Variants in POU5F2 observed in about 807,000 individuals in gnomAD.
POU5F2 encodes the protein POU domain, class 5, transcription factor 2.
For synonymous variants in POU5F2, 191 were observed against 178.7 expected (o/e 1.07, Z -0.55); for missense variants, 401 against 426.6 (o/e 0.94, Z 0.53).
At position 93,738,012 on chromosome 5, in the gene POU5F2, A is replaced by G. The variant is rs1261794353; in HGVS notation, c.*2565T>C. The G allele has an allele frequency of 6.7e-5, 27 of 404,418 alleles. No homozygotes were observed. The Admixed American group carries it at 6.7e-4, about 10-fold the overall frequency. The allele number at this position is 404,418 out of a possible 1,614,324, so 25.1% of individuals were successfully genotyped here. A position where few individuals can be genotyped will look rare whatever the true frequency, so the allele number is the denominator to read the frequency against. On this transcript the variant is annotated 3_prime_UTR_variant, in exon 1 of 1. Transcript: ENST00000606183. The stretch of plus-strand genomic sequence containing the variant: ...AAAGTCTGTCTGCATCAAAAGATAC[A>G]GTCAAAAGAGTAAAAGGACAACCCA...
In POU5F2 at chr5:93,738,793, G is replaced by C. The variant is rs1167095043; in HGVS notation, c.*1784C>G. 1 of 152,220 alleles carries C rather than the reference G, an allele frequency of 6.6e-6. No homozygotes were observed. The highest frequency in any genetic ancestry group is 1.5e-5 in the Non-Finnish European group (1 of 68,080). The allele number at this position is 152,220 out of a possible 1,614,324, so 9.4% of individuals were successfully genotyped here. On this transcript the variant is annotated 3_prime_UTR_variant, in exon 1 of 1. Transcript: ENST00000606183. ...AAGGTTACCAGGGGTAGGGGATAGG[G>C]GAATGGAGTTATTGCTTAATGAGAA...
rs767125228 is a variant in POU5F2 at position 93,741,558 on chromosome 5, G to A, written c.6C>T (p.Ala2=). The change falls in exon 1 of 1, where the codon GCC becomes GCT. Residue 2 remains alanine, a synonymous_variant. Transcript: ENST00000606183. M[A]GHRPSNHFCP... ...AGAAGTGGTTTGAGGGCCTGTGTCC[G>A]GCCATGGGTGGAATGGCACCCGCAG... 2 of 1,548,892 alleles carry A rather than the reference G, an allele frequency of 1.3e-6. No individual in the cohort carries two copies. The highest frequency in any genetic ancestry group is 2.0e-5 in the Admixed American group (1 of 50,598).
rs552933259 is a variant in POU5F2 at position 93,736,200 on chromosome 5, A to C, written c.*4377T>G. The C allele has an allele frequency of 7.9e-5, 12 of 152,082 alleles. No individual in the cohort carries two copies. The highest frequency in any genetic ancestry group is 2.0e-4 in the Admixed American group (3 of 15,270). The allele number at this position is 152,082 out of a possible 1,614,324, so 9.4% of individuals were successfully genotyped here. On this transcript the variant is annotated 3_prime_UTR_variant, in exon 1 of 1. Transcript: ENST00000606183. ...TTTCCAATGTGATTCTATATTCTTG[A>C]GTAAATAAACTGGGAACTCAAGCTA...
Position 93,741,386 on chromosome 5 carries a change from C to G in POU5F2, c.178G>C (p.Val60Leu), listed in dbSNP as rs760753919. 4 of 1,612,954 alleles carry G rather than the reference C, an allele frequency of 2.5e-6. No individual in the cohort carries two copies. The highest frequency in any genetic ancestry group is 3.4e-6 in the Non-Finnish European group (4 of 1,179,578). Residue 60 changes from valine to leucine, a missense_variant, in exon 1 of 1, where the codon GTG becomes CTG. Coordinates refer to ENST00000606183, the MANE Select transcript of POU5F2 (RefSeq NM_153216.2). The stretch of plus-strand genomic sequence containing the variant: ...AGGGGACCCAGGGGAATCCTCCACA[C>G]GTCAGGGCCTGGGCAGATCCCTGGC... ...VRPGICPGPD[V>L]WRIPLGPLPH...
Position 93,741,543 on chromosome 5 carries a change from T to C in POU5F2, c.21A>G (p.Ser7=). The C allele has an allele frequency of 6.3e-7, 1 of 1,584,012 alleles. No individual in the cohort carries two copies. The highest frequency in any genetic ancestry group is 1.8e-5 in the Admixed American group (1 of 56,050). ...TGCCTGGAAGGGGGCAGAAGTGGTTTGAGGGCCTGTGTCCGGCCATGGGTG... is the reference window on the plus strand; with the variant it reads ...TGCCTGGAAGGGGGCAGAAGTGGTTCGAGGGCCTGTGTCCGGCCATGGGTG... MAGHRP[S]NHFCPLPGSG... Residue 7 remains serine (S), a synonymous_variant, in exon 1 of 1, where the codon TCA becomes TCG. Transcript: ENST00000606183.
Position 93,740,875 on chromosome 5 carries a change from T to C in POU5F2, c.689A>G (p.Gln230Arg), listed in dbSNP as rs1748270299. Residue 230 changes from glutamine to arginine, a missense_variant, in exon 1 of 1, where the codon CAG becomes CGG. Gln to Arg is a conservative substitution (Grantham distance 43). Transcript: ENST00000606183. Reference sequence around the variant, plus strand: ...CTGGGGTGTGGGCTTAGGGCACCGCTGGAAGAATTTCTCCAGGCTGTTTCC... The same window carrying C: ...CTGGGGTGTGGGCTTAGGGCACCGCCGGAAGAATTTCTCCAGGCTGTTTCC... ...RIGNSLEKFF[Q>R]RCPKPTPQQI... The C allele has an allele frequency of 6.2e-7, 1 of 1,613,876 alleles. No homozygotes were observed. The highest frequency in any genetic ancestry group is 1.3e-5 in the African/African-American group (1 of 74,928).
At position 93,740,593 on chromosome 5, in the gene POU5F2, C is replaced by T. The variant is rs1748184859; in HGVS notation, c.971G>A (p.Gly324Asp). 1.3e-6 allele frequency: 2 copies of T among 1,597,434 alleles called. No homozygotes were observed. Among genetic ancestry groups the T allele is most frequent in the Non-Finnish European group, 1.7e-6 (2 of 1,166,680 alleles). ...AHSSAPATTL[G>D]LLRF ...CCCTCAGCCCTAAAATCTGAGGAGG[C>T]CCAGAGTGGTGGCTGGGGCAGAGGA... is the stretch of plus-strand genomic sequence containing the variant. The change falls in exon 1 of 1, where the codon GGC becomes GAC. Residue 324 changes from glycine (G) to aspartate (D), a missense_variant. Coordinates refer to ENST00000606183, the MANE Select transcript of POU5F2 (RefSeq NM_153216.2).
rs771230898 is a variant in POU5F2 at position 93,740,908 on chromosome 5, C to T, written c.656G>A (p.Arg219Gln). Residue 219 changes from arginine to glutamine, a missense_variant, in exon 1 of 1, where the codon CGA becomes CAA. Arg to Gln is a conservative substitution (Grantham distance 43, BLOSUM62 1). Transcript: ENST00000606183. ...SGKWRRASRE[R>Q]RIGNSLEKFF... ...TTTCTCCAGGCTGTTTCCGATTCGTCGCTCTCTGCTTGCCCGTCTCCACTT... is the reference window on the plus strand; with the variant it reads ...TTTCTCCAGGCTGTTTCCGATTCGTTGCTCTCTGCTTGCCCGTCTCCACTT... 6.3e-5 allele frequency: 102 copies of T among 1,613,874 alleles called. No individual in the cohort carries two copies. The Admixed American group carries it at 1.2e-3, about 19-fold the overall frequency.
Position 93,739,966 on chromosome 5 carries a change from C to T in POU5F2, c.*611G>A, listed in dbSNP as rs1295523550. Reference sequence around the variant, plus strand: ...GAGGAACTGAGACCCTGACATGAAGCTGGGGCACCAGAAATGAAAAGGTAA... The same window carrying T: ...GAGGAACTGAGACCCTGACATGAAGTTGGGGCACCAGAAATGAAAAGGTAA... On this transcript the variant is annotated 3_prime_UTR_variant, in exon 1 of 1. Coordinates refer to ENST00000606183, the MANE Select transcript of POU5F2 (RefSeq NM_153216.2). 7.1e-6 allele frequency: 1 copy of T among 140,790 alleles called. No homozygotes were observed. The highest frequency in any genetic ancestry group is 2.1e-4 in the East Asian group (1 of 4,848). 8.7% of individuals were successfully genotyped at this position (140,790 alleles called of 1,614,324 possible).
chr5:93,739,253 A>G lies in POU5F2; in HGVS notation c.*1324T>C, dbSNP rs1747870882. The G allele has an allele frequency of 1.3e-5, 2 of 152,162 alleles. No homozygotes were observed. The highest frequency in any genetic ancestry group is 2.9e-5 in the Non-Finnish European group (2 of 68,034). 9.4% of individuals were successfully genotyped at this position (152,162 alleles called of 1,614,324 possible). A position where few individuals can be genotyped will look rare whatever the true frequency, so the allele number is the denominator to read the frequency against. On this transcript the variant is annotated 3_prime_UTR_variant, in exon 1 of 1. Coordinates refer to ENST00000606183, the MANE Select transcript of POU5F2 (RefSeq NM_153216.2). ...ATACAGCCACCAGAAAAAAAAAGAA[A>G]GAAAGAAAGAAACTAAGTACTCATC...
In POU5F2 at chr5:93,739,179, C is replaced by T. The variant is rs1002170260; in HGVS notation, c.*1398G>A. 1 of 151,864 alleles carries T rather than the reference C, an allele frequency of 6.6e-6. No individual in the cohort carries two copies. Among genetic ancestry groups the T allele is most frequent in the Non-Finnish European group, 1.5e-5 (1 of 68,006 alleles). 9.4% of individuals were successfully genotyped at this position (151,864 alleles called of 1,614,324 possible). A position where few individuals can be genotyped will look rare whatever the true frequency, so the allele number is the denominator to read the frequency against. On this transcript the variant is annotated 3_prime_UTR_variant, in exon 1 of 1. Coordinates refer to ENST00000606183, the MANE Select transcript of POU5F2 (RefSeq NM_153216.2). ...CCATGCCCGGCCCAGAGTTAAGTCT[C>T]TTATTGGGCTCCTGGTTTGCACTCT...
rs550137627 is a variant in POU5F2 at position 93,740,563 on chromosome 5, C to T, written c.*14G>A. 3.8e-6 allele frequency: 6 copies of T among 1,578,650 alleles called. No homozygotes were observed. Among genetic ancestry groups the T allele is most frequent in the Admixed American group, 1.7e-5 (1 of 57,700 alleles). On this transcript the variant is annotated 3_prime_UTR_variant, in exon 1 of 1. Coordinates refer to ENST00000606183, the MANE Select transcript of POU5F2 (RefSeq NM_153216.2). ...CCCTCTCCAACCGTGCCGTGAAGGGCAAGCCCCTCAGCCCTAAAATCTGAG... is the reference window on the plus strand; with the variant it reads ...CCCTCTCCAACCGTGCCGTGAAGGGTAAGCCCCTCAGCCCTAAAATCTGAG...
Position 93,741,467 on chromosome 5 carries a change from T to C in POU5F2, c.97A>G (p.Thr33Ala). The change falls in exon 1 of 1, where the codon ACC becomes GCC. Residue 33 changes from threonine (T) to alanine (A), a missense_variant. Transcript: ENST00000606183. ...GGGGCCGCCTGGGTGCTCAACCAGG[T>C]CAGAGTGTCAACCCGCAGGGGCATC... ...GPMPLRVDTL[T>A]WLSTQAAPGR... 6.2e-7 allele frequency: 1 copy of C among 1,613,430 alleles called. No individual in the cohort carries two copies. The highest frequency in any genetic ancestry group is 8.5e-7 in the Non-Finnish European group (1 of 1,179,732).
Position 93,740,827 on chromosome 5 carries a change from C to A in POU5F2, c.737G>T (p.Cys246Phe). ...TPQQISHIAGCLQLQKDVVRV... is the reference protein window; with the variant it reads ...TPQQISHIAGFLQLQKDVVRV... ...AACCACATCCTTCTGCAGCTGGAGG[C>A]ACCCAGCAATGTGGCTGATTTGCTG... The change falls in exon 1 of 1, where the codon TGC becomes TTC. Residue 246 changes from cysteine (C) to phenylalanine (F), a missense_variant. By Grantham distance (205) the Cys-to-Phe change is radical. Coordinates refer to ENST00000606183, the MANE Select transcript of POU5F2 (RefSeq NM_153216.2). The A allele has an allele frequency of 6.2e-7, 1 of 1,613,850 alleles. No homozygotes were observed.
chr5:93,741,127 TC>T, the POU5F2 span: 1 of 1,613,708 alleles, frequency 6.2e-7, no homozygotes, highest in Admixed American at 1.7e-5. Flanking sequence ...GATCCCCACA[TC>T]GGCCTGCGAG....
Position 93,739,372 on chromosome 5 carries a change from A to C in POU5F2, c.*1205T>G, listed in dbSNP as rs1187201089. ...GTAAAAATTAATTAACTAGGGAATA[A>C]AAATTGTAGTAAGTAGAATAAGTAA... On this transcript the variant is annotated 3_prime_UTR_variant, in exon 1 of 1. Transcript: ENST00000606183. The C allele has an allele frequency of 6.6e-6, 1 of 152,186 alleles. No homozygotes were observed. The highest frequency in any genetic ancestry group is 1.5e-5 in the Non-Finnish European group (1 of 68,040). The allele number at this position is 152,186 out of a possible 1,614,324, so 9.4% of individuals were successfully genotyped here.
chr5:93,741,513 A>G lies in POU5F2; in HGVS notation c.51T>C (p.Gly17=), dbSNP rs749040900. ...GCATCGGCCCTCTGGGGCCGCCCCCACCACTGCCTGGAAGGGGGCAGAAGT... is the reference window on the plus strand; with the variant it reads ...GCATCGGCCCTCTGGGGCCGCCCCCGCCACTGCCTGGAAGGGGGCAGAAGT... ...SNHFCPLPGS[G]GGGPRGPMPL... The change falls in exon 1 of 1, where the codon GGT becomes GGC. Residue 17 remains glycine, a synonymous_variant. Coordinates refer to ENST00000606183, the MANE Select transcript of POU5F2 (RefSeq NM_153216.2). 6.2e-7 allele frequency: 1 copy of G among 1,609,482 alleles called. No individual in the cohort carries two copies. Among genetic ancestry groups the G allele is most frequent in the South Asian group, 1.1e-5 (1 of 90,474 alleles).
Position 93,736,071 on chromosome 5 carries a change from T to G in POU5F2, c.*4506A>C, listed in dbSNP as rs2149583634. 1 of 152,278 alleles carries G rather than the reference T, an allele frequency of 6.6e-6. No individual in the cohort carries two copies. Among genetic ancestry groups the G allele is most frequent in the South Asian group, 2.1e-4 (1 of 4,822 alleles). 9.4% of individuals were successfully genotyped at this position (152,278 alleles called of 1,614,324 possible). A position where few individuals can be genotyped will look rare whatever the true frequency, so the allele number is the denominator to read the frequency against. ...GTAGTGTGGAATTCATTTCCACACT[T>G]TTTATCCAGTGCCGTATTTTGGGCA... On this transcript the variant is annotated 3_prime_UTR_variant, in exon 1 of 1. Transcript: ENST00000606183.
In POU5F2 at chr5:93,740,529, C is replaced by A; in HGVS notation, c.*48G>T. On this transcript the variant is annotated 3_prime_UTR_variant, in exon 1 of 1. Transcript: ENST00000606183. The stretch of plus-strand genomic sequence containing the variant: ...CCTAGGGACATTTCCTGGGTTTTCC[C>A]TTCTTCTCCCCTCTCCAACCGTGCC... The A allele has an allele frequency of 6.5e-7, 1 of 1,527,346 alleles. No homozygotes were observed. The highest frequency in any genetic ancestry group is 1.3e-5 in the South Asian group (1 of 77,574). 94.6% of individuals were successfully genotyped at this position (1,527,346 alleles called of 1,614,324 possible).
Sources: allele counts gnomAD v4.1 joint callset, GRCh38; gene constraint gnomAD v4.1.1; transcripts MANE v1.5; gene names NCBI Gene and HGNC (gene_info 2026-07-23, HGNC 2026-07-21).